Variants in TENM4 observed in about 807,000 individuals in gnomAD.
TENM4 encodes the protein teneurin transmembrane protein 4.
Under a neutral mutation model 243.3 loss-of-function variants are expected in TENM4, and 82 were observed. That is an observed-to-expected ratio of 0.34 (90% CI 0.28 to 0.40). The LOEUF is 0.40. Ranked by LOEUF, TENM4 falls within the 10% of genes least tolerant of loss-of-function variation. The probability of loss-of-function intolerance (pLI) is 1.00; values close to 1 mark genes in which losing one functional copy is unlikely to be tolerated. For synonymous variants in TENM4, 1,412 were observed against 1,456.3 expected (o/e 0.97, Z 0.69); for missense variants, 3,138 against 3,673.3 (o/e 0.85, Z 3.77).
chr11:78,950,508 A>G (rs1857089506), intron 6 of TENM4, among the ~76,000 whole-genome samples: 1 of 152,184 alleles, frequency 6.6e-6, no homozygotes, highest in African/African-American at 2.4e-5. Context: ...TGGGAGTGAG[A>G]AAAGATTGTG....
At position 78,722,838 on chromosome 11, in the gene TENM4, C is replaced by A; in HGVS notation, c.3630G>T (p.Gly1210=). The A allele has an allele frequency of 1.2e-6, 2 of 1,614,050 alleles. No individual in the cohort carries two copies. Among genetic ancestry groups the A allele is most frequent in the Non-Finnish European group, 1.7e-6 (2 of 1,179,894 alleles). ...PPVIGSIMGN[G]RRRSISCPSC... ...TGGGGCAGGAGATGCTTCTCCGGCG[C>A]CCATTGCCCATGATGCTCCCAATGA... Residue 1210 remains glycine (G), a synonymous_variant, in exon 24 of 34, where the codon GGG becomes GGT. Coordinates refer to ENST00000278550, the MANE Select transcript of TENM4 (RefSeq NM_001098816.3).
chr11:79,082,301 C>G (rs868629761), intron 4 of TENM4, among the ~76,000 whole-genome samples: 1 of 152,130 alleles, frequency 6.6e-6, no homozygotes, highest in Non-Finnish European at 1.5e-5. Flanking sequence ...TCCACTCCCT[C>G]GGCCCCACAC....
Position 78,652,990 on chromosome 11 carries a change from G to T in TENM4, c.*5068C>A, listed in dbSNP as rs1010616053. On this transcript the variant is annotated 3_prime_UTR_variant, in exon 34 of 34. Coordinates refer to ENST00000278550, the MANE Select transcript of TENM4 (RefSeq NM_001098816.3). ...CCCCTTCAGCCTGTCCCTGAACGAG[G>T]GCAGCAGTGGGATGGGGAGCCACGC... The T allele has an allele frequency of 1.3e-5, 2 of 152,110 alleles. No individual in the cohort carries two copies. Among genetic ancestry groups the T allele is most frequent in the Non-Finnish European group, 2.9e-5 (2 of 67,986 alleles). The allele number at this position is 152,110 out of a possible 1,614,324, so 9.4% of individuals were successfully genotyped here. A position where few individuals can be genotyped will look rare whatever the true frequency, so the allele number is the denominator to read the frequency against.
intron 3 of TENM4, among the ~76,000 whole-genome samples, chr11:79,198,956 A>G (rs941471893): frequency 6.6e-6 from 1 of 152,174 alleles, no homozygotes; most frequent in Non-Finnish European, 1.5e-5. Context: ...CTAAGGGATG[A>G]CCAGGAGGTG....
At chr11:78,676,015 C>T in intron 30 of TENM4, 137 bp downstream of exon 30, 1 of 854,460 alleles carries the variant, frequency 1.2e-6, no homozygotes, top group Non-Finnish European at 1.7e-6. Context: ...TCTGATCACA[C>T]ATGGTTCCCT....
intron 4 of TENM4, among the ~76,000 whole-genome samples, chr11:79,130,057 C>A (rs1034849443): frequency 1.3e-5 from 2 of 152,138 alleles, no homozygotes; most frequent in Admixed American, 1.3e-4. Context: ...GTTCATATCA[C>A]AAGACTCTTT....
chr11:78,939,439 C>T (rs1345726100), intron 6 of TENM4, among the ~76,000 whole-genome samples: 1 of 152,256 alleles, frequency 6.6e-6, no homozygotes, highest in African/African-American at 2.4e-5. Context: ...AGCAATTTCA[C>T]AACAATGTCT....
At chr11:79,197,617 T>C (rs897973332) in intron 3 of TENM4, among the ~76,000 whole-genome samples, 1 of 152,216 alleles carries the variant, frequency 6.6e-6, no homozygotes, top group Non-Finnish European at 1.5e-5. Flanking sequence ...TGTGATTTCA[T>C]GTTCCCATTT....
At chr11:79,394,499 T>C (rs1334471388) in intron 1 of TENM4, among the ~76,000 whole-genome samples, 1 of 152,166 alleles carries the variant, frequency 6.6e-6, no homozygotes, top group South Asian at 2.1e-4. Context: ...ACCCTTAGGG[T>C]TAGTGTGAGA....
chr11:79,299,358 G>A (rs1433894658), intron 1 of TENM4, among the ~76,000 whole-genome samples: 2 of 152,186 alleles, frequency 1.3e-5, no homozygotes, highest in Non-Finnish European at 2.9e-5. Flanking sequence ...CCAGGCCTCT[G>A]CTTGCCTGCT....
intron 1 of TENM4, among the ~76,000 whole-genome samples, chr11:79,370,194 C>T (rs2135507269): frequency 6.6e-6 from 1 of 152,360 alleles, no homozygotes; most frequent in South Asian, 2.1e-4. Flanking sequence ...CTCCTGCTCA[C>T]AGGCCATGGA....
intron 6 of TENM4, among the ~76,000 whole-genome samples, chr11:79,003,558 T>C (rs1216366115): frequency 6.6e-6 from 1 of 152,136 alleles, no homozygotes; most frequent in Non-Finnish European, 1.5e-5. Context: ...CTAAGCTTCA[T>C]AAGCAAAGAA....
chr11:78,902,388 T>C (rs1855948715), intron 7 of TENM4, among the ~76,000 whole-genome samples: 1 of 152,316 alleles, frequency 6.6e-6, no homozygotes, highest in East Asian at 1.9e-4. Context: ...TCAAGGAGAC[T>C]GATGTCCCTG....
At chr11:79,414,034 A>C (rs1357755257) in intron 1 of TENM4, among the ~76,000 whole-genome samples, 2 of 152,138 alleles carry the variant, frequency 1.3e-5, no homozygotes, top group African/African-American at 2.4e-5. Flanking sequence ...GAAACACAAG[A>C]TACGTATAAT....
intron 4 of TENM4, among the ~76,000 whole-genome samples, chr11:79,124,632 C>T (rs1003041189): frequency 6.1e-4 from 76 of 124,914 alleles, no homozygotes; most frequent in Non-Finnish European, 1.2e-3. Context: ...TACATATGCA[C>T]GTATATATAT....
In TENM4 at chr11:78,701,775, G is replaced by A. The variant is rs775486549; in HGVS notation, c.4838C>T (p.Thr1613Ile). ...GATGAGTGTGATGTCGCCGTCCCCA[G>A]TGTAGGTGAAGTTGTACAGGTAGTC... ...TGDYLYNFTY[T>I]GDGDITLITD... Residue 1613 changes from threonine to isoleucine, a missense_variant, in exon 28 of 34, where the codon ACT becomes ATT. Thr to Ile is a moderately conservative substitution (Grantham distance 89). Transcript: ENST00000278550. 34 of 1,613,892 alleles carry A rather than the reference G, an allele frequency of 2.1e-5. No homozygotes were observed. In the Admixed American group the frequency reaches 3.8e-4, roughly 18 times the overall value.
chr11:78,893,351 C>A (rs1855709059), intron 7 of TENM4, among the ~76,000 whole-genome samples: 1 of 152,240 alleles, frequency 6.6e-6, no homozygotes, highest in Non-Finnish European at 1.5e-5. Context: ...GCAGGTGACC[C>A]AATCTCTCTA....
intron 1 of TENM4, among the ~76,000 whole-genome samples, chr11:79,389,143 T>C (rs1858177050): frequency 6.6e-6 from 1 of 151,428 alleles, no homozygotes; most frequent in South Asian, 2.1e-4. Context: ...CAGAGACGAG[T>C]GGGGTTTTTT....
At chr11:78,804,347 C>G (rs1857345771) in intron 15 of TENM4, among the ~76,000 whole-genome samples, 1 of 152,190 alleles carries the variant, frequency 6.6e-6, no homozygotes, top group Non-Finnish European at 1.5e-5. Flanking sequence ...TCCATCCTCT[C>G]TGATTAGAAG....
Sources: allele counts gnomAD v4.1 joint callset (sites outside exome capture counted in the v4.1 genomes callset), GRCh38; gene constraint gnomAD v4.1.1; transcripts MANE v1.5; gene names NCBI Gene and HGNC (gene_info 2026-07-23, HGNC 2026-07-21).